The following C6 variants were observed in gnomAD, a reference collection of about 807,000 sequenced individuals.
C6 encodes complement component C6.
In C6, 101 loss-of-function variants were observed where a neutral mutation model predicts 112.9. The observed-to-expected ratio is 0.89, with a 90% CI of 0.76 to 1.06. The LOEUF (loss-of-function observed/expected upper bound fraction) is 1.06, where lower values mean the gene tolerates loss of function less well. Among genes scored for constraint, C6 ranks in the 50% least tolerant of loss-of-function variants. The pLI, the probability that C6 is intolerant of heterozygous loss-of-function variation, is 0.00. For missense variants in C6, 1,202 were observed against 1,104.6 expected, an observed-to-expected ratio of 1.09 and a Z score of -1.25; for synonymous variants, 431 against 384.1, an observed-to-expected ratio of 1.12 and a Z score of -1.43.
rs553245399 is a variant in C6 at position 41,142,680 on chromosome 5, T to C, written c.*145A>G. On this transcript the variant is annotated 3_prime_UTR_variant, in exon 18 of 18. Transcript: ENST00000337836. The stretch of plus-strand genomic sequence containing the variant: ...CCCAAACAGGAGAGTCAGGGGAGAA[T>C]AATGATCTCAAACTAACAGAAAATA... The C allele has an allele frequency of 1.4e-5, 10 of 707,712 alleles. No homozygotes were observed. The East Asian group carries it at 2.2e-4, about 15-fold the overall frequency. The allele number at this position is 707,712 out of a possible 1,614,324, so 43.8% of individuals were successfully genotyped here.
At chr5:41,211,699 G>A (rs888324479) in intron 1 of C6, among the ~76,000 whole-genome samples, 8 of 151,882 alleles carry the variant, frequency 5.3e-5, no homozygotes, top group Non-Finnish European at 1.2e-4. Flanking sequence ...GACCTTTTCA[G>A]CAAGAAAAAC....
At chr5:41,164,172 A>G (rs573330945) in intron 9 of C6, among the ~76,000 whole-genome samples, 4 of 152,242 alleles carry the variant, frequency 2.6e-5, no homozygotes, top group South Asian at 4.2e-4. Context: ...AATTAAAAAG[A>G]CCAATAAAAT....
chr5:41,147,698 A>C (rs1344523646), intron 17 of C6, among the ~76,000 whole-genome samples: 2 of 152,230 alleles, frequency 1.3e-5, no homozygotes, highest in Non-Finnish European at 2.9e-5. Flanking sequence ...TTTTTTTGGA[A>C]AATGTTCCAC....
chr5:41,190,516 A>G (rs1294324568), intron 5 of C6, among the ~76,000 whole-genome samples: 4 of 152,170 alleles, frequency 2.6e-5, no homozygotes, highest in Non-Finnish European at 5.9e-5. Context: ...TCCCTGTCAG[A>G]TGAATAGCTG....
In C6 at chr5:41,238,319, C is replaced by T. The variant is rs1373713252; in HGVS notation, c.-21+22875G>A. Among the ~76,000 whole-genome samples the T allele has an allele frequency of 3.3e-5, 5 of 149,570 alleles. No homozygotes were observed. In the East Asian group the frequency reaches 9.9e-4, roughly 30 times the overall value. On this transcript the variant is annotated intron_variant, in intron 1 of 17. Transcript: ENST00000263413. ...AAGCTGGAGGCATCACACTACCTGA[C>T]TTCAAACTATACTACAAGGCTACAG...
intron 5 of C6, among the ~76,000 whole-genome samples, chr5:41,190,681 A>C (rs559241649): frequency 6.6e-6 from 1 of 152,102 alleles, no homozygotes; most frequent in Admixed American, 6.6e-5. Flanking sequence ...TTCTCACATC[A>C]ATGTTCTAAG....
At chr5:41,243,754 C>G (rs1390849372) in intron 1 of C6, among the ~76,000 whole-genome samples, 1 of 152,182 alleles carries the variant, frequency 6.6e-6, no homozygotes, top group Non-Finnish European at 1.5e-5. Flanking sequence ...TGGGGAAACT[C>G]TTAGCATATG....
chr5:41,181,889 A>G (rs1360354474), intron 6 of C6, among the ~76,000 whole-genome samples: 2 of 152,346 alleles, frequency 1.3e-5, no homozygotes, highest in East Asian at 3.9e-4. Flanking sequence ...GTGATAAACA[A>G]TGAAGGTTAT....
intron 17 of C6, among the ~76,000 whole-genome samples, chr5:41,143,368 C>G (rs981599962): frequency 6.6e-6 from 1 of 152,166 alleles, no homozygotes; most frequent in African/African-American, 2.4e-5. Context: ...TCTGGCACCT[C>G]CCTTTTACTC....
At chr5:41,176,436 T>C in intron 8 of C6, 39 bp downstream of exon 8, 1 of 1,605,038 alleles carries the variant, frequency 6.2e-7, no homozygotes, top group Non-Finnish European at 8.5e-7. Flanking sequence ...TTGCATGCTA[T>C]CATACCAGTT....
intron 10 of C6, among the ~76,000 whole-genome samples, chr5:41,160,802 G>C (rs186226511): frequency 2.6e-5 from 4 of 152,190 alleles, no homozygotes; most frequent in African/African-American, 9.6e-5. Context: ...GACAGTTTTG[G>C]CTTTTGTTGG....
At chr5:41,155,903 A>G (rs1243935630) in intron 13 of C6, among the ~76,000 whole-genome samples, 5 of 152,140 alleles carry the variant, frequency 3.3e-5, no homozygotes, top group Non-Finnish European at 7.3e-5. Flanking sequence ...TAAAGCAAAC[A>G]TATGCAGTTG....
At chr5:41,160,458 G>T in intron 10 of C6, 91 bp from the exon 11 acceptor site, 1 of 1,019,530 alleles carries the variant, frequency 9.8e-7, no homozygotes, top group Non-Finnish European at 1.5e-6. Context: ...GAGAGGGAAA[G>T]CCTGAAAATT....
chr5:41,205,002 C>A (rs141290955), intron 1 of C6, among the ~76,000 whole-genome samples: 1 of 152,190 alleles, frequency 6.6e-6, no homozygotes, highest in Admixed American at 6.5e-5. Context: ...ATAAAAGTAA[C>A]CAAATCCATT....
chr5:41,200,247 A>G (rs567694421), intron 3 of C6, among the ~76,000 whole-genome samples: 2 of 152,334 alleles, frequency 1.3e-5, no homozygotes, highest in Non-Finnish European at 1.5e-5. Flanking sequence ...CCTCCAGGCC[A>G]TAACAGTAGC....
chr5:41,149,164 A>G, intron 17 of C6, 77 bp downstream of exon 17: 1 of 1,530,026 alleles, frequency 6.5e-7, no homozygotes, highest in African/African-American at 1.4e-5. Flanking sequence ...AGGATAGGTT[A>G]TTTTTAAGAA....
chr5:41,239,246 G>T (rs1740543577), intron 1 of C6, among the ~76,000 whole-genome samples: 2 of 151,626 alleles, frequency 1.3e-5, no homozygotes, highest in South Asian at 2.1e-4. Context: ...CCATGAGCTG[G>T]GGTTACAGGC....
At chr5:41,223,073 G>T (rs1221341587) in intron 1 of C6, among the ~76,000 whole-genome samples, 1 of 152,072 alleles carries the variant, frequency 6.6e-6, no homozygotes, top group Non-Finnish European at 1.5e-5. Flanking sequence ...GTTATTGTGA[G>T]GGATAAATTT....
chr5:41,174,229 C>T (rs1455497409), intron 8 of C6, among the ~76,000 whole-genome samples: 2 of 152,150 alleles, frequency 1.3e-5, no homozygotes, highest in African/African-American at 4.8e-5. Context: ...CAATCCTTTT[C>T]TTCCCTGCAG....
Sources: gnomAD v4.1 joint callset for allele counts (sites outside exome capture counted in the v4.1 genomes callset) on GRCh38, gnomAD v4.1.1 for gene constraint, MANE v1.5 for transcripts, NCBI Gene and HGNC (gene_info 2026-07-23, HGNC 2026-07-21) for gene names.